The following NR5A2 variants were observed in gnomAD, a reference collection of about 807,000 sequenced individuals.
The protein encoded by NR5A2 is CYP7A promoter-binding factor.
In NR5A2, 26 loss-of-function variants were observed where a neutral mutation model predicts 62.7. That is an observed-to-expected ratio of 0.41 (90% CI 0.30 to 0.58). The LOEUF (loss-of-function observed/expected upper bound fraction) is 0.58. Among genes scored for constraint, NR5A2 ranks in the 20% least tolerant of loss-of-function variants. The pLI is 0.22. For missense variants in NR5A2, 541 were observed against 669.1 expected, an observed-to-expected ratio of 0.81 and a Z score of 2.11; for synonymous variants, 246 against 241.7, an observed-to-expected ratio of 1.02 and a Z score of -0.16.
chr1:200,118,230 T>C (rs1158130266), intron 6 of NR5A2, among the ~76,000 whole-genome samples: 1 of 151,890 alleles, frequency 6.6e-6, no homozygotes, highest in East Asian at 1.9e-4. Flanking sequence ...TTGGCCAGGC[T>C]GGTCTTGAAG....
intron 1 of NR5A2, among the ~76,000 whole-genome samples, chr1:200,031,732 C>T (rs796639257): frequency 2.0e-5 from 3 of 152,136 alleles, no homozygotes; most frequent in African/African-American, 4.8e-5. Context: ...GTGCACGCCA[C>T]CACGCCTGGC....
chr1:200,055,007 C>T (rs1662844289), intron 5 of NR5A2, among the ~76,000 whole-genome samples: 1 of 151,740 alleles, frequency 6.6e-6, no homozygotes, highest in Non-Finnish European at 1.5e-5. Context: ...AGCCATCTTC[C>T]CACTTTAGCT....
intron 7 of NR5A2, among the ~76,000 whole-genome samples, chr1:200,146,940 ATGTATCCTTATCCT>A (rs896946732): frequency 6.7e-6 from 1 of 149,796 alleles, no homozygotes; most frequent in African/African-American, 2.5e-5. Flanking sequence ...ATCCTTATGT[ATGTATCCTTATCCT>A]TGTATCCTTT....
intron 1 of NR5A2, chr1:200,029,792 C>T (rs558969735): frequency 1.3e-5 from 2 of 152,358 alleles, no homozygotes; most frequent in East Asian, 3.9e-4. Context: ...CCAAGCACAT[C>T]CCCTCCGCCT....
intron 5 of NR5A2, among the ~76,000 whole-genome samples, chr1:200,091,484 CTT>C (rs35491701): frequency 1.1e-4 from 14 of 126,488 alleles, no homozygotes; most frequent in Admixed American, 1.7e-4. Flanking sequence ...TGCTCTCTTT[CTT>C]TTTTTTTTTT....
chr1:200,147,348 T>C lies in NR5A2; in HGVS notation c.1378+26393T>C, dbSNP rs967975900. On this transcript the variant is annotated intron_variant, in intron 7 of 7. Coordinates refer to ENST00000367362, the MANE Select transcript of NR5A2 (RefSeq NM_205860.3). This position sits in a 1 kb window ranked among gnomAD's most constrained non-coding sequence, Gnocchi z 4.9. ...CTCATCCAGCAAAGCTCGGCCTACA[T>C]GGAGGTTTGCTGACTCCCCCAGGCC... is the stretch of plus-strand genomic sequence containing the variant. Among the ~76,000 whole-genome samples, 3 of 152,174 alleles carry C rather than the reference T, an allele frequency of 2.0e-5. No homozygotes were observed. Among genetic ancestry groups the C allele is most frequent in the Non-Finnish European group, 2.9e-5 (2 of 68,020 alleles).
At chr1:200,085,918 C>T (rs905745547) in intron 5 of NR5A2, among the ~76,000 whole-genome samples, 27 of 152,132 alleles carry the variant, frequency 1.8e-4, no homozygotes, top group Non-Finnish European at 2.9e-5. Flanking sequence ...TTTGATATCT[C>T]TATACTTATA....
intron 6 of NR5A2, among the ~76,000 whole-genome samples, chr1:200,118,421 G>GGGACA (rs1666340673): frequency 6.6e-6 from 1 of 152,162 alleles, no homozygotes; most frequent in African/African-American, 2.4e-5. Flanking sequence ...TCCCATCTAT[G>GGGACA]ATTCTTGATA....
chr1:200,148,836 A>G (rs894599881), intron 7 of NR5A2, among the ~76,000 whole-genome samples: 2 of 151,618 alleles, frequency 1.3e-5, no homozygotes, highest in African/African-American at 4.8e-5. Flanking sequence ...TCCTGTCCTT[A>G]TAAGGGTGGA....
chr1:200,042,279 G>A (rs1434366074), intron 2 of NR5A2, among the ~76,000 whole-genome samples: 2 of 152,174 alleles, frequency 1.3e-5, no homozygotes, highest in African/African-American at 2.4e-5. Flanking sequence ...GGCCCGGGAA[G>A]AGACGCGTCA....
intron 6 of NR5A2, among the ~76,000 whole-genome samples, chr1:200,119,913 C>CTT (rs200964817): frequency 1.4e-5 from 2 of 144,244 alleles, no homozygotes; most frequent in Non-Finnish European, 3.1e-5. Flanking sequence ...CCGGCCAGCA[C>CTT]TTTTTTTTTT....
chr1:200,095,649 T>C (rs1365405016), intron 5 of NR5A2, among the ~76,000 whole-genome samples: 1 of 151,548 alleles, frequency 6.6e-6, no homozygotes, highest in African/African-American at 2.4e-5. Context: ...ACCTCCTGGG[T>C]TCACGCCATC....
At chr1:200,091,617 T>C (rs1203159134) in intron 5 of NR5A2, among the ~76,000 whole-genome samples, 1 of 151,978 alleles carries the variant, frequency 6.6e-6, no homozygotes, top group Non-Finnish European at 1.5e-5. Flanking sequence ...CCTGAGTAGC[T>C]GGGACTACAG....
At chr1:200,075,564 G>C (rs749958820) in intron 5 of NR5A2, among the ~76,000 whole-genome samples, 1 of 152,222 alleles carries the variant, frequency 6.6e-6, no homozygotes, top group African/African-American at 2.4e-5. Flanking sequence ...ACACAGAGAA[G>C]AGGTGTAAAA....
chr1:200,160,668 A>G (rs952401302), intron 7 of NR5A2, among the ~76,000 whole-genome samples: 2 of 152,064 alleles, frequency 1.3e-5, no homozygotes, highest in African/African-American at 4.8e-5. Flanking sequence ...TGTAAATTTT[A>G]TCATACCTGA....
chr1:200,052,874 TTG>T (rs1662716853), intron 5 of NR5A2, among the ~76,000 whole-genome samples: 2 of 152,000 alleles, frequency 1.3e-5, no homozygotes, highest in Non-Finnish European at 2.9e-5. Flanking sequence ...TCTCCTGACC[TTG>T]CGATCCGCCC....
intron 5 of NR5A2, among the ~76,000 whole-genome samples, chr1:200,109,645 A>G (rs2816978): frequency 0.4 from 60,838 of 152,072 alleles, 12,450 homozygotes; most frequent in South Asian, 0.48. Flanking sequence ...ACAGCTATTC[A>G]GAGTCTTATG....
chr1:200,133,505 C>CTATATATATATATATATATATATATA (rs138519275), intron 7 of NR5A2, among the ~76,000 whole-genome samples: 5 of 134,382 alleles, frequency 3.7e-5, no homozygotes, highest in Admixed American at 7.7e-5. Flanking sequence ...CACTGATGGA[C>CTATATATATATATATATATATATATA]TATATATATA....
At chr1:200,029,495 A>C (rs2102129832) in intron 1 of NR5A2, 1 of 153,202 alleles carries the variant, frequency 6.5e-6, no homozygotes, top group East Asian at 1.9e-4. Context: ...GAGGCGGTAC[A>C]CTCTGAGCGT....
Sources: allele counts gnomAD v4.1 joint callset (sites outside exome capture counted in the v4.1 genomes callset), GRCh38; gene constraint gnomAD v4.1.1; non-coding constraint Gnocchi (gnomAD v3.1); transcripts MANE v1.5; gene names NCBI Gene and HGNC (gene_info 2026-07-23, HGNC 2026-07-21).